Variants in EIF3E observed in about 807,000 individuals in gnomAD.
EIF3E encodes the protein eIF-3 p48.
In EIF3E, 25 loss-of-function variants were observed where a neutral mutation model predicts 59.3. The observed-to-expected ratio is 0.42, with a 90% CI of 0.31 to 0.59. EIF3E has a LOEUF of 0.59. Among genes scored for constraint, EIF3E ranks in the 20% least tolerant of loss-of-function variants. The probability of loss-of-function intolerance (pLI) is 0.15; values close to 1 mark genes in which losing one functional copy is unlikely to be tolerated. For synonymous variants in EIF3E, 176 were observed against 170.2 expected, an observed-to-expected ratio of 1.03 and a Z score of -0.26; for missense variants, 317 against 534.3, an observed-to-expected ratio of 0.59 and a Z score of 4.01.
intron 4 of EIF3E, 51 bp from the exon 5 acceptor site, chr8:108,235,153 C>T: frequency 8.5e-7 from 1 of 1,181,820 alleles, no homozygotes; most frequent in Non-Finnish European, 1.2e-6. Context: ...AGTTTTAAAA[C>T]CCCATTGTAA....
chr8:108,226,128 T>C (rs947476350), intron 7 of EIF3E: 1 of 152,070 alleles, frequency 6.6e-6, no homozygotes, highest in Non-Finnish European at 1.5e-5. Context: ...AGAGACAATA[T>C]TGAGGACTTA....
chr8:108,243,831 C>A (rs1467207159), intron 1 of EIF3E, among the ~76,000 whole-genome samples: 1 of 152,010 alleles, frequency 6.6e-6, no homozygotes, highest in Admixed American at 6.6e-5. Flanking sequence ...AACTTCTCAT[C>A]ACTTTGCCCT....
intron 9 of EIF3E, among the ~76,000 whole-genome samples, chr8:108,215,940 C>CAT (rs1815293561): frequency 2.0e-5 from 3 of 152,142 alleles, no homozygotes; most frequent in Non-Finnish European, 4.4e-5. Context: ...AATGAATTGC[C>CAT]TGGTTTATCA....
rs150292257 is a variant in EIF3E at position 108,226,962 on chromosome 8, C to T, written c.722+1305G>A. On this transcript the variant is annotated intron_variant, in intron 7 of 12. Coordinates refer to ENST00000220849, the MANE Select transcript of EIF3E (RefSeq NM_001568.3). ...TCATATGAAACCATTTTCATTTCTA[C>T]AAGATAAAATGTAATGAAACTATAA... 3.1e-3 allele frequency among the ~76,000 whole-genome samples: 479 copies of T among 152,230 alleles called. 2 individuals are homozygous for T. Among genetic ancestry groups the T allele is most frequent in the African/African-American group, 0.011 (448 of 41,536 alleles).
intron 12 of EIF3E, among the ~76,000 whole-genome samples, chr8:108,202,321 C>T (rs183181083): frequency 1.3e-5 from 2 of 152,120 alleles, no homozygotes; most frequent in Admixed American, 6.6e-5. Flanking sequence ...GATTATTCTG[C>T]GGACACAAAT....
chr8:108,229,286 C>A, intron 5 of EIF3E, 91 bp from the exon 6 acceptor site: 1 of 1,267,716 alleles, frequency 7.9e-7, no homozygotes. Flanking sequence ...CTCTAGCCTA[C>A]TAAAAGACCT....
At chr8:108,210,731 T>C (rs1004730518) in intron 10 of EIF3E, among the ~76,000 whole-genome samples, 3 of 152,158 alleles carry the variant, frequency 2.0e-5, no homozygotes, top group Non-Finnish European at 2.9e-5. Flanking sequence ...TATCTCCTAA[T>C]GCTATCCCTC....
chr8:108,246,562 T>G (rs1815953451), intron 1 of EIF3E, among the ~76,000 whole-genome samples: 1 of 152,156 alleles, frequency 6.6e-6, no homozygotes, highest in Non-Finnish European at 1.5e-5. Flanking sequence ...CCTATACAAT[T>G]AACCCTTGGA....
At chr8:108,242,757 A>C in intron 1 of EIF3E, 1 of 798,920 alleles carries the variant, frequency 1.3e-6, no homozygotes, top group African/African-American at 1.9e-5. Flanking sequence ...GCACTTCGCA[A>C]AAGAAGACAA....
chr8:108,211,216 G>C (rs1318205445), intron 10 of EIF3E, among the ~76,000 whole-genome samples: 1 of 152,168 alleles, frequency 6.6e-6, no homozygotes, highest in African/African-American at 2.4e-5. Context: ...CCCACCAACA[G>C]TGTAAAAGTG....
chr8:108,203,321 TAA>T, intron 11 of EIF3E, 78 bp downstream of exon 11: 2 of 1,344,974 alleles, frequency 1.5e-6, no homozygotes, highest in Non-Finnish European at 2.1e-6. Flanking sequence ...TTAAAGGAGG[TAA>T]TAAAATGTCC....
rs138258298 is a variant in EIF3E, at chr8:108,235,052, G to A, written c.417C>T (p.Tyr139=). ...DTLYRYAKFQ[Y]ECGNYSGAAE... is the part of the protein sequence containing the mutation. Reference sequence around the variant, plus strand: ...CTGCTCCTGAGTAATTCCCACATTCGTACTGGAATTTTGCATATCTGTAGA... The same window carrying A: ...CTGCTCCTGAGTAATTCCCACATTCATACTGGAATTTTGCATATCTGTAGA... Residue 139 remains tyrosine, a synonymous_variant, in exon 5 of 13, where the codon TAC becomes TAT. Transcript: ENST00000220849. 564 of 1,597,928 alleles carry A rather than the reference G, an allele frequency of 3.5e-4. 1 individual carries two copies. The African/African-American group carries it at 6.4e-3, about 18-fold the overall frequency.
chr8:108,221,112 A>AAAAGAAAGAAAAGG (rs1256108572), intron 7 of EIF3E, among the ~76,000 whole-genome samples: 1 of 152,160 alleles, frequency 6.6e-6, no homozygotes, highest in Non-Finnish European at 1.5e-5. Flanking sequence ...AAGGGAAAGG[A>AAAAGAAAGAAAAGG]AAAGAAAGAA....
At chr8:108,203,320 G>T in intron 11 of EIF3E, 81 bp downstream of exon 11, 1 of 1,336,276 alleles carries the variant, frequency 7.5e-7, no homozygotes, top group Non-Finnish European at 1.0e-6. Flanking sequence ...ATTAAAGGAG[G>T]TAATAAAATG....
chr8:108,233,700 C>A, intron 5 of EIF3E: 1 of 395,746 alleles, frequency 2.5e-6, no homozygotes, highest in African/African-American at 2.1e-5. Context: ...TAAAAATTAG[C>A]CATGAGTGGT....
intron 7 of EIF3E, among the ~76,000 whole-genome samples, chr8:108,217,801 T>C (rs1328897098): frequency 3.3e-5 from 5 of 152,174 alleles, no homozygotes; most frequent in Non-Finnish European, 7.4e-5. Context: ...ATGACTTTCA[T>C]TCACCCATTA....
chr8:108,205,272 A>G (rs1419821555), intron 10 of EIF3E, among the ~76,000 whole-genome samples: 2 of 152,152 alleles, frequency 1.3e-5, no homozygotes, highest in African/African-American at 4.8e-5. Flanking sequence ...CACGCACCGT[A>G]TCTTCCTCAT....
At chr8:108,221,886 C>T (rs1401900895) in intron 7 of EIF3E, among the ~76,000 whole-genome samples, 1 of 152,070 alleles carries the variant, frequency 6.6e-6, no homozygotes, top group African/African-American at 2.4e-5. Context: ...GTCATTTTCA[C>T]ATCACAAAAT....
chr8:108,209,034 A>G (rs1264506211), intron 10 of EIF3E, among the ~76,000 whole-genome samples: 2 of 152,288 alleles, frequency 1.3e-5, no homozygotes, highest in South Asian at 2.1e-4. Flanking sequence ...AAAGCTGACT[A>G]TCACATGTGC....
Sources: gnomAD v4.1 joint callset for allele counts (sites outside exome capture counted in the v4.1 genomes callset) on GRCh38, gnomAD v4.1.1 for gene constraint, MANE v1.5 for transcripts, NCBI Gene and HGNC (gene_info 2026-07-23, HGNC 2026-07-21) for gene names.